Variants in LONP2 observed in about 807,000 individuals in gnomAD.
LONP2 encodes the protein lon protease homolog 2, peroxisomal.
A neutral mutation model predicts 85.6 loss-of-function variants in LONP2; 60 were observed. The ratio of observed to expected loss-of-function variants is 0.70; its 90% CI spans 0.57 to 0.87. The LOEUF (loss-of-function observed/expected upper bound fraction) is 0.87, where lower values mean the gene tolerates loss of function less well. LONP2 is among the 40% of genes least tolerant of loss of function. The pLI, the probability that LONP2 is intolerant of heterozygous loss-of-function variation, is 0.00. For missense variants in LONP2, 860 were observed against 1,063.5 expected, an observed-to-expected ratio of 0.81 and a Z score of 2.66; for synonymous variants, 395 against 389.7, an observed-to-expected ratio of 1.01 and a Z score of -0.16.
Position 48,351,809 on chromosome 16 carries a change from ATC to A in LONP2, c.*10_*11del. The stretch of plus-strand genomic sequence containing the variant: ...GTTAAATAGCAAACTGTAGGTCCAA[ATC>A]TCAATTTTTTAGAATTTTAAGTTAT... On this transcript the variant is annotated 3_prime_UTR_variant, in exon 15 of 15. Transcript: ENST00000285737. 1 of 1,610,616 alleles carries A rather than the reference ATC, an allele frequency of 6.2e-7. No individual in the cohort carries two copies. Among genetic ancestry groups the A allele is most frequent in the South Asian group, 1.1e-5 (1 of 90,964 alleles).
At chr16:48,291,841 T>A (rs1972562987) in intron 8 of LONP2, among the ~76,000 whole-genome samples, 1 of 152,246 alleles carries the variant, frequency 6.6e-6, no homozygotes, top group Non-Finnish European at 1.5e-5. Context: ...GATCAGTATT[T>A]CTGATGCTGT....
At chr16:48,248,226 A>T (rs1971512202) in intron 1 of LONP2, among the ~76,000 whole-genome samples, 1 of 150,870 alleles carries the variant, frequency 6.6e-6, no homozygotes, top group African/African-American at 2.4e-5. Context: ...GGTTCAAGTG[A>T]TCCTCTCACC....
At chr16:48,283,897 TCA>T (rs1348442706) in intron 8 of LONP2, among the ~76,000 whole-genome samples, 3 of 152,078 alleles carry the variant, frequency 2.0e-5, no homozygotes, top group Non-Finnish European at 4.4e-5. Flanking sequence ...TAGAAAAGAT[TCA>T]CCATTCTAGA....
intron 12 of LONP2, chr16:48,336,503 G>A (rs1161142360): frequency 2.2e-6 from 1 of 452,490 alleles, no homozygotes; most frequent in East Asian, 7.0e-5. Flanking sequence ...GTACAGGTGA[G>A]CTGAGTCCGA....
At chr16:48,249,074 G>A (rs1289649456) in intron 1 of LONP2, among the ~76,000 whole-genome samples, 1 of 152,038 alleles carries the variant, frequency 6.6e-6, no homozygotes, top group Non-Finnish European at 1.5e-5. Flanking sequence ...TACACAAATT[G>A]TAACCATTGT....
intron 9 of LONP2, among the ~76,000 whole-genome samples, chr16:48,299,052 A>T (rs1359918620): frequency 6.6e-6 from 1 of 151,596 alleles, no homozygotes; most frequent in Admixed American, 6.6e-5. Context: ...AACCATGCTC[A>T]GCTAATTTTT....
At chr16:48,269,943 G>C in intron 6 of LONP2, 73 bp from the exon 7 acceptor site, 1 of 1,489,968 alleles carries the variant, frequency 6.7e-7, no homozygotes, top group East Asian at 2.3e-5. Context: ...TTTTGCCCTC[G>C]TCATGCTTGA....
chr16:48,293,023 C>A (rs749356249), intron 8 of LONP2, among the ~76,000 whole-genome samples: 1 of 152,066 alleles, frequency 6.6e-6, no homozygotes, highest in Non-Finnish European at 1.5e-5. Flanking sequence ...TTTTTAAAAA[C>A]GCTAGTGTCT....
rs1330480339 is a variant in LONP2 at position 48,346,256 on chromosome 16, T to TA, written c.1939-1250dup. 7.2e-5 allele frequency among the ~76,000 whole-genome samples: 11 copies of TA among 152,190 alleles called. No homozygotes were observed. The East Asian group carries it at 2.1e-3, about 29-fold the overall frequency. On this transcript the variant is annotated intron_variant, in intron 12 of 14. Transcript: ENST00000285737. ...CAGTAGAAAAATCTCCTGTTTGGATTAGTGCTTAGTTGACCTATTGTGTTC... is the reference window on the plus strand; with the variant it reads ...CAGTAGAAAAATCTCCTGTTTGGATTAAGTGCTTAGTTGACCTATTGTGTTC...
At chr16:48,287,349 T>C (rs1182640729) in intron 8 of LONP2, among the ~76,000 whole-genome samples, 1 of 152,278 alleles carries the variant, frequency 6.6e-6, no homozygotes, top group Non-Finnish European at 1.5e-5. Context: ...AAAGTCCCCA[T>C]GAATATCTCA....
At position 48,355,747 on chromosome 16, in the gene LONP2, TGTTG is replaced by T. The variant is rs1393867480; in HGVS notation, c.*3946_*3949del. 6.6e-6 allele frequency: 1 copy of T among 152,212 alleles called. No individual in the cohort carries two copies. Among genetic ancestry groups the T allele is most frequent in the Non-Finnish European group, 1.5e-5 (1 of 68,042 alleles). The allele number at this position is 152,212 out of a possible 1,614,324, so 9.4% of individuals were successfully genotyped here. The stretch of plus-strand genomic sequence containing the variant: ...ATTCTATGTCCCTAATGACTAGTGA[TGTTG>T]AGCATTTTCTAGCATTGATTTTTAA... On this transcript the variant is annotated 3_prime_UTR_variant, in exon 15 of 15. Transcript: ENST00000285737.
At position 48,252,102 on chromosome 16, in the gene LONP2, G is replaced by A; in HGVS notation, c.234-29G>A. The stretch of plus-strand genomic sequence containing the variant: ...TTCTGTTCTACCGTATTGAATGTTT[G>A]TAATACCGATGTTTTGTGTGTTTTT... On this transcript the variant is annotated intron_variant, in intron 1 of 14. Transcript: ENST00000285737. 7 of 1,496,204 alleles carry A rather than the reference G, an allele frequency of 4.7e-6. No homozygotes were observed. The East Asian group carries it at 1.4e-4, about 30-fold the overall frequency. The allele number at this position is 1,496,204 out of a possible 1,614,324, so 92.7% of individuals were successfully genotyped here.
intron 11 of LONP2, among the ~76,000 whole-genome samples, chr16:48,327,704 C>T (rs1169137810): frequency 2.0e-5 from 3 of 152,118 alleles, no homozygotes; most frequent in South Asian, 2.1e-4. Context: ...GTGATCTGCC[C>T]GCCTCAGCCT....
At position 48,256,691 on chromosome 16, in the gene LONP2, C is replaced by T. The variant is rs1408001214; in HGVS notation, c.550C>T (p.Pro184Ser). The T allele has an allele frequency of 2.5e-6, 4 of 1,613,790 alleles. No homozygotes were observed. Among genetic ancestry groups the T allele is most frequent in the Non-Finnish European group, 3.4e-6 (4 of 1,179,894 alleles). The change falls in exon 3 of 15, where the codon CCA becomes TCA. Residue 184 changes from proline (P) to serine (S), a missense_variant. By Grantham distance (74) the Pro-to-Ser change is moderately conservative. This residue lies in a region of LONP2 where 743 missense variants were observed against 917.3 expected (regional missense o/e 0.81). Coordinates refer to ENST00000285737, the MANE Select transcript of LONP2 (RefSeq NM_031490.5). ...AGATAGTCTTCCAAGGGAAGCTTTACCAGACATCTTGACATCAATTATCCG... is the reference window on the plus strand; with the variant it reads ...AGATAGTCTTCCAAGGGAAGCTTTATCAGACATCTTGACATCAATTATCCG... ...LLDSLPREAL[P>S]DILTSIIRTS...
At chr16:48,280,947 A>G (rs759966355) in intron 8 of LONP2, among the ~76,000 whole-genome samples, 8 of 152,190 alleles carry the variant, frequency 5.3e-5, no homozygotes, top group Non-Finnish European at 1.2e-4. Context: ...CAGTAGGTTC[A>G]CTTAAATTTA....
intron 11 of LONP2, among the ~76,000 whole-genome samples, chr16:48,307,058 C>A (rs1386920552): frequency 6.6e-6 from 1 of 152,096 alleles, no homozygotes; most frequent in Non-Finnish European, 1.5e-5. Context: ...TGGAATAGGC[C>A]CAGAAGCACT....
At chr16:48,303,451 C>T (rs1972849608) in intron 11 of LONP2, 146 bp downstream of exon 11, 2 of 833,276 alleles carry the variant, frequency 2.4e-6, no homozygotes, top group South Asian at 3.5e-5. Flanking sequence ...GTAAGTAATA[C>T]CTTAATGTTT....
intron 6 of LONP2, among the ~76,000 whole-genome samples, chr16:48,267,063 AG>A (rs1282501193): frequency 6.6e-6 from 1 of 152,222 alleles, no homozygotes; most frequent in Non-Finnish European, 1.5e-5. Flanking sequence ...ACTGCCTTTT[AG>A]TTGAAAGGAA....
intron 11 of LONP2, among the ~76,000 whole-genome samples, chr16:48,306,191 T>G (rs1279377783): frequency 6.6e-6 from 1 of 152,228 alleles, no homozygotes; most frequent in African/African-American, 2.4e-5. Flanking sequence ...GTTTATTAGG[T>G]AACACATTTT....
Sources: gnomAD v4.1 joint callset for allele counts (sites outside exome capture counted in the v4.1 genomes callset) on GRCh38, gnomAD v4.1.1 for gene constraint, gnomAD v4.1.1 regional missense constraint, MANE v1.5 for transcripts, NCBI Gene and HGNC (gene_info 2026-07-23, HGNC 2026-07-21) for gene names.